Variants in CLIC5 observed in about 807,000 individuals in gnomAD.
The protein encoded by CLIC5 is CLIC family member 5.
CLIC5 carries 20 observed loss-of-function variants against 24.7 expected under a neutral mutation model. That is an observed-to-expected ratio of 0.81 (90% CI 0.57 to 1.18). The LOEUF is 1.18. Among genes scored for constraint, CLIC5 ranks in the 50% most tolerant of loss-of-function variants. The pLI, the probability that CLIC5 is intolerant of heterozygous loss-of-function variation, is 0.00. For missense variants in CLIC5, 341 were observed against 326.1 expected (o/e 1.05, Z -0.35); for synonymous variants, 159 against 135.6 (o/e 1.17, Z -1.20).
At chr6:45,905,202 A>AT (rs1762624242) in intron 5 of CLIC5, among the ~76,000 whole-genome samples, 1 of 152,172 alleles carries the variant, frequency 6.6e-6, no homozygotes, top group South Asian at 2.1e-4. Flanking sequence ...TGCATATGAA[A>AT]TTTTTTTGGT....
chr6:46,082,555 T>C (rs1490310707), upstream of CLIC5, among the ~76,000 whole-genome samples: 1 of 152,216 alleles, frequency 6.6e-6, no homozygotes, highest in Non-Finnish European at 1.5e-5. Flanking sequence ...CTCCAGACAA[T>C]TGAGCCTTGT....
the CLIC5 span, among the ~76,000 whole-genome samples, chr6:46,126,959 A>G: frequency 1.3e-5 from 2 of 152,206 alleles, no homozygotes; most frequent in East Asian, 1.9e-4. Flanking sequence ...TAAGATTTTT[A>G]AAATATTTTG....
At chr6:46,113,221 A>G in the CLIC5 span, among the ~76,000 whole-genome samples, 1 of 152,174 alleles carries the variant, frequency 6.6e-6, no homozygotes, top group East Asian at 1.9e-4. Context: ...AATTCTGAAT[A>G]TGAGAGAACA....
At chr6:46,120,507 T>C in the CLIC5 span, among the ~76,000 whole-genome samples, 1 of 151,884 alleles carries the variant, frequency 6.6e-6, no homozygotes, top group Non-Finnish European at 1.5e-5. Context: ...AAACTGAAAA[T>C]TCTAAAAATC....
At chr6:45,886,679 C>A (rs1762308741) in intron 6 of CLIC5, among the ~76,000 whole-genome samples, 1 of 152,160 alleles carries the variant, frequency 6.6e-6, no homozygotes, top group Admixed American at 6.5e-5. Flanking sequence ...GGTCTTCAGA[C>A]AAATGGTTTT....
chr6:45,957,592 G>A (rs941913759), intron 1 of CLIC5, among the ~76,000 whole-genome samples: 1 of 152,170 alleles, frequency 6.6e-6, no homozygotes, highest in Non-Finnish European at 1.5e-5. Flanking sequence ...AGCTATGCCA[G>A]GAGCATAGGG....
chr6:46,000,353 C>A (rs535669764), intron 1 of CLIC5, among the ~76,000 whole-genome samples: 80 of 152,164 alleles, frequency 5.3e-4, no homozygotes, highest in African/African-American at 1.8e-3. Context: ...TGCACATGCT[C>A]CTTTGAAGGA....
chr6:46,090,379 A>C, the CLIC5 span, among the ~76,000 whole-genome samples: 1 of 149,006 alleles, frequency 6.7e-6, no homozygotes, highest in Admixed American at 6.7e-5. Flanking sequence ...GGTCAGAGCT[A>C]GTTCATAGAT....
intron 4 of CLIC5, among the ~76,000 whole-genome samples, chr6:45,926,548 G>A (rs1444649105): frequency 2.6e-5 from 4 of 151,964 alleles, no homozygotes; most frequent in South Asian, 2.1e-4. Flanking sequence ...GAGCCACCGC[G>A]CCCGGCCAGA....
chr6:45,993,078 A>C (rs531909426), intron 1 of CLIC5, among the ~76,000 whole-genome samples: 1 of 152,330 alleles, frequency 6.6e-6, no homozygotes, highest in South Asian at 2.1e-4. Flanking sequence ...CTTGTAGGAA[A>C]CAGATGCTAG....
intron 4 of CLIC5, among the ~76,000 whole-genome samples, chr6:45,925,474 G>T (rs574775562): frequency 1.1e-4 from 17 of 151,968 alleles, no homozygotes; most frequent in Admixed American, 3.3e-4. Context: ...GTGCCACCAC[G>T]CCTGGCTAAT....
chr6:45,912,040 G>A, intron 5 of CLIC5: 2 of 985,826 alleles, frequency 2.0e-6, no homozygotes, highest in Non-Finnish European at 2.4e-6. Context: ...CAGCAAGGGG[G>A]TAAGGATGCA....
chr6:46,083,775 T>C (rs1762972985), upstream of CLIC5, among the ~76,000 whole-genome samples: 1 of 152,002 alleles, frequency 6.6e-6, no homozygotes, highest in South Asian at 2.1e-4. Context: ...GAGAGTTCTG[T>C]AGATGTCTAT....
intron 1 of CLIC5, among the ~76,000 whole-genome samples, chr6:46,012,321 T>A (rs1766835810): frequency 6.6e-6 from 1 of 152,226 alleles, no homozygotes. Flanking sequence ...TGAACTCAGG[T>A]ACTGCATCTC....
chr6:45,921,908 A>G (rs1328037249), intron 4 of CLIC5, among the ~76,000 whole-genome samples: 1 of 152,186 alleles, frequency 6.6e-6, no homozygotes, highest in Non-Finnish European at 1.5e-5. Context: ...GCCAGAGAGG[A>G]GGATGTTGTC....
At chr6:46,060,464 T>C (rs990359004) in intron 1 of CLIC5, among the ~76,000 whole-genome samples, 2 of 152,150 alleles carry the variant, frequency 1.3e-5, no homozygotes, top group Non-Finnish European at 2.9e-5. Flanking sequence ...GTATGGTGCT[T>C]ATTTTGTGCC....
intron 4 of CLIC5, among the ~76,000 whole-genome samples, chr6:45,928,160 T>C (rs1763575601): frequency 6.6e-6 from 1 of 152,136 alleles, no homozygotes; most frequent in South Asian, 2.1e-4. Context: ...ATGTAGCAAC[T>C]TTTTCCCAAC....
At position 46,046,894 on chromosome 6, in the gene CLIC5, A is replaced by G. The variant is rs141343570; in HGVS notation, c.540+32809T>C. On this transcript the variant is annotated intron_variant, in intron 1 of 5. Coordinates refer to the CLIC5 transcript ENST00000185206. ...ACGATGGTGGAAACAATCTGTGTCC[A>G]TTTATCTGGTTAGTATAGGAAGAAG... Among the ~76,000 whole-genome samples, 137 of 152,278 alleles carry G rather than the reference A, an allele frequency of 9.0e-4. 1 individual carries two copies. The highest frequency in any genetic ancestry group is 3.2e-3 in the African/African-American group (132 of 41,544).
intron 6 of CLIC5, among the ~76,000 whole-genome samples, chr6:45,891,338 A>G (rs1762345293): frequency 3.3e-5 from 5 of 152,186 alleles, no homozygotes; most frequent in Admixed American, 3.3e-4. Context: ...CTGTATTCTT[A>G]TTTTAAAAGA....
Sources: allele counts gnomAD v4.1 joint callset (sites outside exome capture counted in the v4.1 genomes callset), GRCh38; gene constraint gnomAD v4.1.1; transcripts MANE v1.5; gene names NCBI Gene and HGNC (gene_info 2026-07-23, HGNC 2026-07-21).